The following GSG1L variants were observed in gnomAD, a reference collection of about 807,000 sequenced individuals.
GSG1L encodes GSG1 like, also known as germ cell-specific gene 1-like protein.
GSG1L carries 24 observed loss-of-function variants against 42.1 expected under a neutral mutation model. The ratio of observed to expected loss-of-function variants is 0.57; its 90% CI spans 0.41 to 0.80. The LOEUF is 0.80. Ranked by LOEUF, GSG1L falls within the 30% of genes least tolerant of loss-of-function variation. The pLI, the probability that GSG1L is intolerant of heterozygous loss-of-function variation, is 0.00. For missense variants in GSG1L, 445 were observed against 472.2 expected (o/e 0.94, Z 0.53); for synonymous variants, 215 against 203.5 (o/e 1.06, Z -0.48).
In GSG1L at chr16:27,884,239, C is replaced by T. The variant is rs1010046360; in HGVS notation, c.550+247G>A. ...GCCTCTCCCTCCCACATGTGTTATG[C>T]TCCTTGAGGTCTGGGACTGCCTGCT... On this transcript the variant is annotated intron_variant, in intron 3 of 6. Transcript: ENST00000447459. The surrounding 1 kb of genome is among the most constrained non-coding windows in gnomAD (Gnocchi z 4.4). Among the ~76,000 whole-genome samples the T allele has an allele frequency of 7.9e-5, 12 of 152,242 alleles. No homozygotes were observed. The highest frequency in any genetic ancestry group is 2.4e-4 in the African/African-American group (10 of 41,472).
chr16:28,011,419 C>T (rs1189700180), intron 1 of GSG1L, among the ~76,000 whole-genome samples: 1 of 152,218 alleles, frequency 6.6e-6, no homozygotes, highest in Non-Finnish European at 1.5e-5. Flanking sequence ...AATGGACACA[C>T]TGCCTCGGCG....
At chr16:28,052,710 A>G (rs1198623666) in intron 1 of GSG1L, among the ~76,000 whole-genome samples, 1 of 152,032 alleles carries the variant, frequency 6.6e-6, no homozygotes, top group Admixed American at 6.5e-5. Context: ...GTTGTCTGCA[A>G]CCTCCCACAT....
In GSG1L at chr16:27,875,665, C is replaced by T. The variant is rs540548040; in HGVS notation, c.550+8821G>A. ...TCCATGACTGAGCCCACATCATGGA[C>T]GTGCCAACAGACCCAACCAAACCTG... On this transcript the variant is annotated intron_variant, in intron 3 of 6. Transcript: ENST00000447459. Among the ~76,000 whole-genome samples the T allele has an allele frequency of 9.2e-5, 14 of 152,302 alleles. No homozygotes were observed. In the East Asian group the frequency reaches 1.7e-3, roughly 19 times the overall value.
chr16:27,931,834 G>A (rs985744255), intron 2 of GSG1L, among the ~76,000 whole-genome samples: 3 of 152,164 alleles, frequency 2.0e-5, no homozygotes, highest in South Asian at 2.1e-4. Flanking sequence ...CAGGAGGAGC[G>A]CAGTGTGGAG....
At chr16:28,038,634 G>A (rs1053088247) in intron 1 of GSG1L, among the ~76,000 whole-genome samples, 2 of 152,196 alleles carry the variant, frequency 1.3e-5, no homozygotes, top group Admixed American at 1.3e-4. Flanking sequence ...ATCACACACA[G>A]ATTACCGTAA....
At chr16:27,920,828 G>A (rs1012373388) in intron 2 of GSG1L, among the ~76,000 whole-genome samples, 1 of 152,226 alleles carries the variant, frequency 6.6e-6, no homozygotes, top group Admixed American at 6.5e-5. Context: ...GCTGAGCAGA[G>A]GCAACCAGGC....
At chr16:27,828,050 T>TCATC (rs57317132) in intron 5 of GSG1L, among the ~76,000 whole-genome samples, 14,111 of 131,072 alleles carry the variant, frequency 0.11, 1,411 homozygotes, top group African/African-American at 0.26. Flanking sequence ...ATCCACCCAA[T>TCATC]CATCCATCCA....
At chr16:27,829,032 T>G in intron 4 of GSG1L, 76 bp from the exon 5 acceptor site, 1 of 1,400,324 alleles carries the variant, frequency 7.1e-7, no homozygotes, top group African/African-American at 1.4e-5. Context: ...CCACCAAACA[T>G]TCATTCATCC....
intron 4 of GSG1L, among the ~76,000 whole-genome samples, chr16:27,832,652 A>C (rs2083285023): frequency 6.6e-6 from 1 of 152,166 alleles, no homozygotes; most frequent in Non-Finnish European, 1.5e-5. Flanking sequence ...TATTTTAGCT[A>C]TTCTGATAAA....
intron 2 of GSG1L, among the ~76,000 whole-genome samples, chr16:27,905,060 G>A (rs1688054637): frequency 6.6e-6 from 1 of 152,188 alleles, no homozygotes. Flanking sequence ...ACACAACTGT[G>A]AGGCCCTAGG....
intron 5 of GSG1L, among the ~76,000 whole-genome samples, chr16:27,820,009 G>A (rs970057586): frequency 6.6e-6 from 1 of 152,178 alleles, no homozygotes; most frequent in Admixed American, 6.5e-5. Context: ...TGTGGTGAGC[G>A]GGAGGGTCAT....
At position 27,828,809 on chromosome 16, in the gene GSG1L, G is replaced by A. The variant is rs772485041; in HGVS notation, c.810C>T (p.Ala270=). ...REEPTFIDPE[A]IKYFRERMEK... is the part of the protein sequence containing the mutation. Reference sequence around the variant, plus strand: ...CTGACCTCTCCCGGAAGTACTTGATGGCCTCAGGGTCTATGAAGGTCGGCT... The same window carrying A: ...CTGACCTCTCCCGGAAGTACTTGATAGCCTCAGGGTCTATGAAGGTCGGCT... The change falls in exon 5 of 7, where the codon GCC becomes GCT. Residue 270 remains alanine (A), a synonymous_variant. Transcript: ENST00000447459. 1 of 1,614,080 alleles carries A rather than the reference G, an allele frequency of 6.2e-7. No individual in the cohort carries two copies. The highest frequency in any genetic ancestry group is 8.5e-7 in the Non-Finnish European group (1 of 1,179,978).
At chr16:27,882,948 A>T (rs7188061) in intron 3 of GSG1L, among the ~76,000 whole-genome samples, 32,573 of 150,390 alleles carry the variant, frequency 0.22, 4,110 homozygotes, top group African/African-American at 0.33. Context: ...TCTAAAAAAA[A>T]TTTTTTTTTT....
At chr16:27,865,546 T>C (rs1409551520) in intron 3 of GSG1L, among the ~76,000 whole-genome samples, 8 of 19,210 alleles carry the variant, frequency 4.2e-4, no homozygotes, top group African/African-American at 2.6e-3. Flanking sequence ...TATATATATA[T>C]ATATATATAT....
At chr16:27,857,976 C>T (rs1405269602) in intron 3 of GSG1L, among the ~76,000 whole-genome samples, 1 of 152,218 alleles carries the variant, frequency 6.6e-6, no homozygotes, top group Non-Finnish European at 1.5e-5. Context: ...CCAGCTCAGT[C>T]CTTCTGCCTT....
chr16:27,825,370 T>C (rs2083197950), intron 5 of GSG1L, among the ~76,000 whole-genome samples: 1 of 152,144 alleles, frequency 6.6e-6, no homozygotes, highest in Admixed American at 6.5e-5. Flanking sequence ...TATCAGGTGC[T>C]ATGAAAAAAT....
intron 1 of GSG1L, among the ~76,000 whole-genome samples, chr16:27,972,426 G>A (rs866415567): frequency 2.1e-4 from 32 of 152,348 alleles, no homozygotes; most frequent in Middle Eastern, 3.4e-3. Flanking sequence ...AAGGATTAAT[G>A]AGCTAGGTAT....
chr16:27,964,083 A>C (rs1341951097), intron 1 of GSG1L, among the ~76,000 whole-genome samples: 1 of 152,082 alleles, frequency 6.6e-6, no homozygotes, highest in Non-Finnish European at 1.5e-5. Context: ...CATACAGATC[A>C]TACTTTGGGA....
At chr16:27,895,498 TA>T (rs1467628087) in intron 2 of GSG1L, among the ~76,000 whole-genome samples, 1 of 152,198 alleles carries the variant, frequency 6.6e-6, no homozygotes, top group Non-Finnish European at 1.5e-5. Context: ...TATCTACAGA[TA>T]GGGGTGAAAT....
Sources: gnomAD v4.1 joint callset for allele counts (sites outside exome capture counted in the v4.1 genomes callset) on GRCh38, gnomAD v4.1.1 for gene constraint, Gnocchi (gnomAD v3.1) non-coding constraint, MANE v1.5 for transcripts, NCBI Gene and HGNC (gene_info 2026-07-23, HGNC 2026-07-21) for gene names.